NRCAM: variants seen among roughly 807,000 people sequenced by gnomAD.
NRCAM encodes neuronal cell adhesion molecule.
NRCAM carries 83 observed loss-of-function variants against 156.5 expected under a neutral mutation model. That is an observed-to-expected ratio of 0.53 (90% CI 0.44 to 0.64). The LOEUF is 0.64. NRCAM is among the 30% of genes least tolerant of loss of function. The pLI is 0.00. For synonymous variants in NRCAM, 538 were observed against 563.9 expected (o/e 0.95, Z 0.65); for missense variants, 1,417 against 1,597.3 (o/e 0.89, Z 1.92).
chr7:108,208,051 T>C (rs1588259674), intron 12 of NRCAM, among the ~76,000 whole-genome samples: 1 of 151,316 alleles, frequency 6.6e-6, no homozygotes, highest in Non-Finnish European at 1.5e-5. Flanking sequence ...CCCAACACTT[T>C]GGGAAGCCAA....
At chr7:108,214,252 TAATTACTGCCTC>T (rs1324465513) in intron 11 of NRCAM, among the ~76,000 whole-genome samples, 1 of 152,212 alleles carries the variant, frequency 6.6e-6, no homozygotes, top group Non-Finnish European at 1.5e-5. Context: ...GGTAGGCTAT[TAATTACTGCCTC>T]AATTTCAGAA....
chr7:108,182,584 C>A, intron 23 of NRCAM, 111 bp downstream of exon 23: 1 of 885,730 alleles, frequency 1.1e-6, no homozygotes, highest in South Asian at 1.6e-5. Context: ...AGAAGTCGTG[C>A]AAAATAATTG....
intron 1 of NRCAM, among the ~76,000 whole-genome samples, chr7:108,405,955 A>AT (rs10643404): frequency 0.013 from 1,695 of 128,098 alleles, 24 homozygotes; most frequent in African/African-American, 0.033. Flanking sequence ...TGCCTCTACA[A>AT]TTTTTTTTTT....
At chr7:108,252,927 A>C (rs1345502118) in intron 3 of NRCAM, among the ~76,000 whole-genome samples, 1 of 152,272 alleles carries the variant, frequency 6.6e-6, no homozygotes, top group Non-Finnish European at 1.5e-5. Flanking sequence ...AGTGGAAGGC[A>C]AGCCTACAAA....
chr7:108,435,642 GGTT>G (rs1219674035), intron 1 of NRCAM, among the ~76,000 whole-genome samples: 1 of 152,098 alleles, frequency 6.6e-6, no homozygotes, highest in Non-Finnish European at 1.5e-5. Flanking sequence ...AAAGGAAAAT[GGTT>G]ATTAGGCTTA....
At chr7:108,207,907 T>G (rs773102311) in intron 12 of NRCAM, among the ~76,000 whole-genome samples, 27 of 152,264 alleles carry the variant, frequency 1.8e-4, no homozygotes, top group Non-Finnish European at 2.2e-4. Context: ...ATTTTCTCAT[T>G]TTATATTAAA....
At chr7:108,201,255 G>A (rs2077943626) in intron 13 of NRCAM, among the ~76,000 whole-genome samples, 2 of 151,842 alleles carry the variant, frequency 1.3e-5, no homozygotes, top group Non-Finnish European at 2.9e-5. Context: ...ACTCTTCAGG[G>A]CACTCTCGGT....
At chr7:108,180,191 C>T in intron 25 of NRCAM, 32 bp downstream of exon 25, 1 of 1,598,980 alleles carries the variant, frequency 6.3e-7, no homozygotes, top group Non-Finnish European at 8.6e-7. Flanking sequence ...GCCATATGTT[C>T]CTGAGATCTT....
At chr7:108,415,326 C>T (rs1379736324) in intron 1 of NRCAM, among the ~76,000 whole-genome samples, 3 of 152,182 alleles carry the variant, frequency 2.0e-5, no homozygotes, top group Non-Finnish European at 2.9e-5. Context: ...TGTGGCCGCA[C>T]GTCTAATCAC....
intron 2 of NRCAM, among the ~76,000 whole-genome samples, chr7:108,379,429 T>G (rs1434389373): frequency 6.6e-6 from 1 of 152,078 alleles, no homozygotes; most frequent in Non-Finnish European, 1.5e-5. Flanking sequence ...GTATTCAAAA[T>G]TATAGAGGCA....
intron 2 of NRCAM, among the ~76,000 whole-genome samples, chr7:108,335,523 A>G (rs1378615271): frequency 1.4e-5 from 2 of 144,720 alleles, no homozygotes; most frequent in Non-Finnish European, 3.0e-5. Context: ...AGTAATTTGA[A>G]GAATGCTTGG....
chr7:108,242,044 C>T (rs908927959), intron 3 of NRCAM, among the ~76,000 whole-genome samples: 5 of 151,776 alleles, frequency 3.3e-5, no homozygotes, highest in East Asian at 1.9e-4. Flanking sequence ...GAGGCCGAAG[C>T]GGGTGGATCA....
intron 3 of NRCAM, among the ~76,000 whole-genome samples, chr7:108,278,584 G>T (rs1239754345): frequency 6.6e-6 from 1 of 151,168 alleles, no homozygotes; most frequent in African/African-American, 2.4e-5. Context: ...GAGGTAATCT[G>T]GTCTGCTGGT....
chr7:108,306,950 C>G (rs575170714), intron 3 of NRCAM, among the ~76,000 whole-genome samples: 5 of 152,096 alleles, frequency 3.3e-5, no homozygotes, highest in Non-Finnish European at 5.9e-5. Context: ...AAATAAATCC[C>G]TGGGTGGGAT....
chr7:108,156,568 G>A, intron 32 of NRCAM: 1 of 197,918 alleles, frequency 5.1e-6, no homozygotes, highest in Non-Finnish European at 9.1e-6. Flanking sequence ...TTGGCCACCA[G>A]TGAGGTTCTA....
In NRCAM at chr7:108,155,738, C is replaced by T. The variant is rs117893583; in HGVS notation, c.3677+3725G>A. Among the ~76,000 whole-genome samples, 109 of 152,184 alleles carry T rather than the reference C, an allele frequency of 7.2e-4. 1 individual carries two copies. In the East Asian group the frequency reaches 0.019, roughly 27 times the overall value. On this transcript the variant is annotated intron_variant, in intron 32 of 32. Coordinates refer to ENST00000379028, the MANE Select transcript of NRCAM (RefSeq NM_001037132.4). ...GGCATACAGTAGGCACTCATAAATA[C>T]TGGCAGAATGAGTTCACTGTAAAAT...
intron 3 of NRCAM, among the ~76,000 whole-genome samples, chr7:108,256,363 T>A (rs1291128742): frequency 7.4e-5 from 11 of 148,638 alleles, no homozygotes; most frequent in Non-Finnish European, 1.3e-4. Flanking sequence ...CTGTGTCCAC[T>A]CAGGGTTAAA....
chr7:108,387,162 G>A (rs1401798022), intron 2 of NRCAM, among the ~76,000 whole-genome samples: 2 of 152,034 alleles, frequency 1.3e-5, no homozygotes, highest in African/African-American at 2.4e-5. Context: ...AACAATTCCA[G>A]TTCCTTTAAC....
intron 2 of NRCAM, among the ~76,000 whole-genome samples, chr7:108,383,449 T>G (rs932920241): frequency 1.3e-5 from 2 of 152,282 alleles, no homozygotes; most frequent in African/African-American, 4.8e-5. Context: ...GAACGATACT[T>G]CCATTTCAGG....
Sources: gnomAD v4.1 joint callset for allele counts (sites outside exome capture counted in the v4.1 genomes callset) on GRCh38, gnomAD v4.1.1 for gene constraint, MANE v1.5 for transcripts, NCBI Gene and HGNC (gene_info 2026-07-23, HGNC 2026-07-21) for gene names.